The following CDC14A variants were observed in gnomAD, a reference collection of about 807,000 sequenced individuals.
CDC14A encodes cell division cycle 14A.
In CDC14A, 53 loss-of-function variants were observed where a neutral mutation model predicts 74.4. That is an observed-to-expected ratio of 0.71 (90% confidence interval 0.57 to 0.89). The LOEUF is 0.89. Among genes scored for constraint, CDC14A ranks in the 40% least tolerant of loss-of-function variants. The pLI, the probability that CDC14A is intolerant of heterozygous loss-of-function variation, is 0.00. For synonymous variants in CDC14A, 247 were observed against 258.4 expected, an observed-to-expected ratio of 0.96 and a Z score of 0.43; for missense variants, 646 against 713.7, an observed-to-expected ratio of 0.91 and a Z score of 1.08.
intron 4 of CDC14A, among the ~76,000 whole-genome samples, chr1:100,397,424 T>C (rs1658668042): frequency 1.3e-5 from 2 of 152,232 alleles, no homozygotes; most frequent in African/African-American, 2.4e-5. Flanking sequence ...TTGTAGCATC[T>C]AAAACACTCT....
chr1:100,401,867 C>T (rs901333715), intron 4 of CDC14A, among the ~76,000 whole-genome samples: 1 of 151,882 alleles, frequency 6.6e-6, no homozygotes, highest in Admixed American at 6.6e-5. Context: ...GGAGAAACCC[C>T]GTCTGTACTA....
chr1:100,468,024 G>T lies in CDC14A; in HGVS notation c.907G>T (p.Glu303Ter), dbSNP rs772540473. ...VMKHYRFTHA[E>*]IIAWIRICRP... The stretch of plus-strand genomic sequence containing the variant: ...GAAACACTACAGGTTTACACATGCT[G>T]AAATAATTGCTTGGATTAGAATATG... The change falls in exon 10 of 16, where the codon GAA becomes TAA. Residue 303 changes from glutamate to a stop codon, truncating the protein, a stop_gained. Coordinates refer to ENST00000336454, the MANE Select transcript of CDC14A (RefSeq NM_003672.4). LOFTEE classifies it high-confidence loss of function. 1 of 1,613,190 alleles carries T rather than the reference G, an allele frequency of 6.2e-7. No homozygotes were observed. The highest frequency in any genetic ancestry group is 8.5e-7 in the Non-Finnish European group (1 of 1,179,640).
Position 100,353,751 on chromosome 1 carries a change from T to G in CDC14A, c.50-11T>G, listed in dbSNP as rs762772245. ...CATATGTTTTTTCTGTCTTTTAAACTTGTCTTTCAGATCGGTTATATTTTG... is the reference window on the plus strand; with the variant it reads ...CATATGTTTTTTCTGTCTTTTAAACGTGTCTTTCAGATCGGTTATATTTTG... On this transcript the variant is annotated splice_polypyrimidine_tract_variant and intron_variant, in intron 1 of 15. Transcript: ENST00000336454. 15 of 1,461,552 alleles carry G rather than the reference T, an allele frequency of 1.0e-5. No individual in the cohort carries two copies. The highest frequency in any genetic ancestry group is 1.1e-5 in the Non-Finnish European group (12 of 1,047,994). 90.5% of individuals were successfully genotyped at this position (1,461,552 alleles called of 1,614,324 possible). A position where few individuals can be genotyped will look rare whatever the true frequency, so the allele number is the denominator to read the frequency against.
chr1:100,504,396 T>C (rs1427374187), intron 15 of CDC14A, among the ~76,000 whole-genome samples: 1 of 152,200 alleles, frequency 6.6e-6, no homozygotes, highest in African/African-American at 2.4e-5. Flanking sequence ...TTGATGATCT[T>C]CCTAACTTGT....
intron 8 of CDC14A, among the ~76,000 whole-genome samples, chr1:100,461,577 C>T (rs1024306474): frequency 6.6e-6 from 1 of 152,196 alleles, no homozygotes; most frequent in Non-Finnish European, 1.5e-5. Context: ...AACTTAGTCC[C>T]CTGAACTTTT....
intron 13 of CDC14A, among the ~76,000 whole-genome samples, chr1:100,496,591 C>T (rs780432723): frequency 1.3e-5 from 2 of 152,084 alleles, no homozygotes; most frequent in African/African-American, 4.8e-5. Flanking sequence ...GATGTTTGGC[C>T]AAGAGTGTTG....
At position 100,484,295 on chromosome 1, in the gene CDC14A, A is replaced by T. The variant is rs1210507628; in HGVS notation, c.981A>T (p.Lys327Asn). 1.9e-6 allele frequency: 3 copies of T among 1,546,818 alleles called. No homozygotes were observed. The East Asian group carries it at 7.1e-5, about 36-fold the overall frequency. ...IGPQQHFLEE[K>N]QASLWVQGDI... ...TTTTGTTTTGTTTTTTATACAGAAA[A>T]CAAGCATCGTTGTGGGTCCAAGGAG... Residue 327 changes from lysine to asparagine, a missense_variant, in exon 11 of 16, where the codon AAA becomes AAT. Physicochemically the swap from Lys to Asn is moderately conservative, Grantham distance 94. Transcript: ENST00000336454.
At chr1:100,401,021 A>ATGC (rs1214631798) in intron 4 of CDC14A, among the ~76,000 whole-genome samples, 2 of 152,206 alleles carry the variant, frequency 1.3e-5, no homozygotes, top group Non-Finnish European at 2.9e-5. Flanking sequence ...TGCACTGTGT[A>ATGC]TGCTTACAGT....
intron 15 of CDC14A, among the ~76,000 whole-genome samples, chr1:100,502,035 A>T (rs751038357): frequency 1.3e-5 from 2 of 152,244 alleles, no homozygotes; most frequent in Non-Finnish European, 2.9e-5. Context: ...TAGTAAACTA[A>T]GTATTATTAC....
chr1:100,346,578 C>A (rs910647307), intron 1 of CDC14A, among the ~76,000 whole-genome samples: 2 of 150,584 alleles, frequency 1.3e-5, no homozygotes, highest in Non-Finnish European at 2.9e-5. Flanking sequence ...GTTGCAGTGA[C>A]CTGTGATAGT....
upstream of CDC14A, among the ~76,000 whole-genome samples, chr1:100,348,497 C>CT (rs1650634734): frequency 6.6e-6 from 1 of 151,492 alleles, no homozygotes; most frequent in Non-Finnish European, 1.5e-5. Flanking sequence ...ATTCTTTTTT[C>CT]TTTTTTTAGA....
chr1:100,518,197 A>G, intron 15 of CDC14A, 54 bp from the exon 16 acceptor site: 1 of 1,425,948 alleles, frequency 7.0e-7, no homozygotes. Context: ...ATGACTTGCT[A>G]GAAGTTTTAC....
chr1:100,459,093 ACACACACG>A (rs781593974), intron 8 of CDC14A, among the ~76,000 whole-genome samples: 3 of 133,236 alleles, frequency 2.3e-5, no homozygotes, highest in African/African-American at 9.4e-5. Flanking sequence ...TTAAACACAC[ACACACACG>A]CACACACACA....
intron 8 of CDC14A, among the ~76,000 whole-genome samples, chr1:100,458,305 T>G (rs528473596): frequency 2.6e-5 from 4 of 152,198 alleles, no homozygotes; most frequent in Non-Finnish European, 5.9e-5. Context: ...ACATGCTCAC[T>G]CTAGAAAATT....
intron 11 of CDC14A, among the ~76,000 whole-genome samples, chr1:100,493,977 G>T (rs932641303): frequency 2.0e-5 from 3 of 152,174 alleles, no homozygotes; most frequent in Non-Finnish European, 4.4e-5. Context: ...CAAGCACTTT[G>T]ATTTTTCAGT....
intron 13 of CDC14A, among the ~76,000 whole-genome samples, chr1:100,497,339 G>A (rs577855418): frequency 6.6e-6 from 1 of 152,188 alleles, no homozygotes; most frequent in Non-Finnish European, 1.5e-5. Context: ...ACCCATTCAG[G>A]GAACTCAAGG....
intron 4 of CDC14A, among the ~76,000 whole-genome samples, chr1:100,423,525 T>C (rs943835196): frequency 6.6e-6 from 1 of 152,210 alleles, no homozygotes; most frequent in Non-Finnish European, 1.5e-5. Context: ...CAGTACCTGA[T>C]ACAGTGCCTG....
At chr1:100,459,126 CAG>C (rs112078644) in intron 8 of CDC14A, among the ~76,000 whole-genome samples, 224 of 144,486 alleles carry the variant, frequency 1.6e-3, no homozygotes, top group South Asian at 4.5e-3. Context: ...CACACACACA[CAG>C]AGAGAGAGAG....
chr1:100,406,513 G>A (rs1659966599), intron 4 of CDC14A, among the ~76,000 whole-genome samples: 1 of 152,088 alleles, frequency 6.6e-6, no homozygotes, highest in Non-Finnish European at 1.5e-5. Context: ...ATAGTTTTGG[G>A]TTTTACATCT....
Sources: gnomAD v4.1 joint callset for allele counts (sites outside exome capture counted in the v4.1 genomes callset) on GRCh38, gnomAD v4.1.1 for gene constraint, MANE v1.5 for transcripts, NCBI Gene and HGNC (gene_info 2026-07-23, HGNC 2026-07-21) for gene names.